The following SEC22A variants were observed in gnomAD, a reference collection of about 807,000 sequenced individuals.
SEC22A encodes the protein SEC22 homolog A, vesicle trafficking protein, also known as vesicle-trafficking protein SEC22a.
A neutral mutation model predicts 35.3 loss-of-function variants in SEC22A; 22 were observed. That is an observed-to-expected ratio of 0.62 (90% CI 0.45 to 0.89). The LOEUF (loss-of-function observed/expected upper bound fraction) is 0.89, where lower values mean the gene tolerates loss of function less well. Ranked by LOEUF, SEC22A falls within the 40% of genes least tolerant of loss-of-function variation. The pLI, the probability that SEC22A is intolerant of heterozygous loss-of-function variation, is 0.00. For synonymous variants in SEC22A, 119 were observed against 129.5 expected, an observed-to-expected ratio of 0.92 and a Z score of 0.55; for missense variants, 354 against 362.5, an observed-to-expected ratio of 0.98 and a Z score of 0.19.
intron 3 of SEC22A, 21 bp downstream of exon 3, chr3:123,223,743 TC>T (rs751712554): frequency 1.3e-6 from 2 of 1,586,302 alleles, no homozygotes; most frequent in Admixed American, 1.7e-5. Context: ...GATTTTTTTT[TC>T]CTTTTTATTC....
At chr3:123,203,244 G>C (rs772057108) in intron 1 of SEC22A, among the ~76,000 whole-genome samples, 24 of 151,112 alleles carry the variant, frequency 1.6e-4, no homozygotes, top group African/African-American at 5.8e-4. Flanking sequence ...TACTCGTTTA[G>C]GGATTAAAAA....
chr3:123,214,127 G>A (rs887256209), intron 2 of SEC22A, among the ~76,000 whole-genome samples: 1 of 152,264 alleles, frequency 6.6e-6, no homozygotes, highest in South Asian at 2.1e-4. Flanking sequence ...CCCAGGAAGC[G>A]GAGGCTGCAG....
At chr3:123,237,384 A>G (rs997638115) in intron 4 of SEC22A, among the ~76,000 whole-genome samples, 2 of 152,240 alleles carry the variant, frequency 1.3e-5, no homozygotes, top group African/African-American at 2.4e-5. Context: ...AGAAGACTGC[A>G]TTTGAAAAAG....
intron 4 of SEC22A, among the ~76,000 whole-genome samples, chr3:123,231,251 C>T (rs1312878999): frequency 4.6e-5 from 7 of 152,084 alleles, no homozygotes; most frequent in African/African-American, 1.4e-4. Flanking sequence ...ATGGATAGAA[C>T]AATTAGGCAG....
At chr3:123,262,071 T>C (rs1401509597) in intron 6 of SEC22A, among the ~76,000 whole-genome samples, 1 of 152,198 alleles carries the variant, frequency 6.6e-6, no homozygotes, top group East Asian at 1.9e-4. Context: ...ATGCTGTTTT[T>C]TTCCCCCACA....
intron 2 of SEC22A, among the ~76,000 whole-genome samples, chr3:123,219,524 G>A (rs1217876732): frequency 1.3e-5 from 2 of 152,208 alleles, no homozygotes; most frequent in East Asian, 1.9e-4. Context: ...CCTTGGATAA[G>A]TTACTAAGCC....
chr3:123,258,145 C>T (rs1190197980), intron 5 of SEC22A, among the ~76,000 whole-genome samples: 8 of 151,978 alleles, frequency 5.3e-5, no homozygotes, highest in East Asian at 1.9e-4. Flanking sequence ...CATTACAAAT[C>T]GTGTGGTTGA....
chr3:123,202,764 C>G (rs1936772466), intron 1 of SEC22A, among the ~76,000 whole-genome samples: 1 of 152,160 alleles, frequency 6.6e-6, no homozygotes, highest in African/African-American at 2.4e-5. Context: ...GCCTATTCAG[C>G]CAAGGCAAAG....
chr3:123,212,065 TAAATA>T (rs1034036805), intron 2 of SEC22A, among the ~76,000 whole-genome samples: 3 of 151,922 alleles, frequency 2.0e-5, no homozygotes, highest in East Asian at 1.9e-4. Context: ...AAAATATATA[TAAATA>T]AAATAAATAA....
intron 4 of SEC22A, among the ~76,000 whole-genome samples, chr3:123,233,718 A>AT (rs1937362614): frequency 1.3e-5 from 2 of 152,200 alleles, no homozygotes; most frequent in South Asian, 4.1e-4. Context: ...AAAGTCCCTT[A>AT]TGGAAAACCC....
chr3:123,241,540 T>C (rs572108569), intron 4 of SEC22A, among the ~76,000 whole-genome samples: 1 of 152,332 alleles, frequency 6.6e-6, no homozygotes, highest in South Asian at 2.1e-4. Context: ...TTCTTGATTC[T>C]TCTATTTCAT....
At chr3:123,257,862 C>T (rs960259749) in intron 5 of SEC22A, among the ~76,000 whole-genome samples, 10 of 150,872 alleles carry the variant, frequency 6.6e-5, no homozygotes, top group Middle Eastern at 3.2e-3. Flanking sequence ...CATGGTGGCA[C>T]GCACCTGTAG....
intron 2 of SEC22A, among the ~76,000 whole-genome samples, chr3:123,215,457 G>A (rs1937004204): frequency 6.6e-6 from 1 of 152,232 alleles, no homozygotes; most frequent in Non-Finnish European, 1.5e-5. Flanking sequence ...GAGGGGATGA[G>A]GTACTCTTAT....
intron 5 of SEC22A, among the ~76,000 whole-genome samples, chr3:123,255,916 T>C (rs1426809373): frequency 6.9e-6 from 1 of 143,932 alleles, no homozygotes; most frequent in African/African-American, 2.6e-5. Flanking sequence ...TTTTACTTTC[T>C]TCTTTCTTTT....
chr3:123,209,594 A>G (rs1021993845), intron 2 of SEC22A, among the ~76,000 whole-genome samples, 195 bp downstream of exon 2: 8 of 152,228 alleles, frequency 5.3e-5, no homozygotes, highest in East Asian at 1.9e-4. Flanking sequence ...GGCTCTGGGA[A>G]ATTTTATAGT....
At chr3:123,233,220 G>A (rs1006129144) in intron 4 of SEC22A, among the ~76,000 whole-genome samples, 2 of 152,138 alleles carry the variant, frequency 1.3e-5, no homozygotes, top group East Asian at 1.9e-4. Flanking sequence ...GATTATAATA[G>A]CATATTTTTA....
intron 5 of SEC22A, among the ~76,000 whole-genome samples, chr3:123,258,390 T>C (rs935246239): frequency 3.3e-5 from 5 of 152,148 alleles, no homozygotes; most frequent in Non-Finnish European, 7.3e-5. Flanking sequence ...ACATGAACTT[T>C]TATAATCAGA....
intron 5 of SEC22A, among the ~76,000 whole-genome samples, chr3:123,257,454 T>C (rs2108094087): frequency 6.6e-6 from 1 of 152,220 alleles, no homozygotes; most frequent in Non-Finnish European, 1.5e-5. Flanking sequence ...CCCAGCACTT[T>C]CGGAGGCTGA....
chr3:123,273,880 G>GATTA lies in SEC22A; in HGVS notation c.*2158_*2159insATTA, dbSNP rs148389382. 4.5e-4 allele frequency: 1 copy of GATTA among 2,220 alleles called. No homozygotes were observed. The highest frequency in any genetic ancestry group is 0.038 in the East Asian group (1 of 26). The allele number at this position is 2,220 out of a possible 1,614,324, so 0.1% of individuals were successfully genotyped here. On this transcript the variant is annotated 3_prime_UTR_variant, in exon 7 of 7. Transcript: ENST00000492595. Reference sequence around the variant, plus strand: ...GTAAATAGGGAAGTTGGAGCATTCTGGTTGAGATTTTGCTCTGTATTGACA... The same window carrying GATTA: ...GTAAATAGGGAAGTTGGAGCATTCTGATTAGTTGAGATTTTGCTCTGTATTGACA...
Sources: gnomAD v4.1 joint callset for allele counts (sites outside exome capture counted in the v4.1 genomes callset) on GRCh38, gnomAD v4.1.1 for gene constraint, MANE v1.5 for transcripts, NCBI Gene and HGNC (gene_info 2026-07-23, HGNC 2026-07-21) for gene names.